The following AXDND1 variants were observed in gnomAD, a reference collection of about 807,000 sequenced individuals.
AXDND1 encodes axonemal dynein light chain domain-containing protein 1.
Under a neutral mutation model 137.5 loss-of-function variants are expected in AXDND1, and 110 were observed. That is an observed-to-expected ratio of 0.80 (90% CI 0.69 to 0.94). The LOEUF is 0.94. Among genes scored for constraint, AXDND1 ranks in the 40% least tolerant of loss-of-function variants. AXDND1 has a pLI of 0.00. For synonymous variants in AXDND1, 414 were observed against 399.7 expected (o/e 1.04, Z -0.43); for missense variants, 1,191 against 1,169.8 (o/e 1.02, Z -0.26).
chr1:179,366,653 C>T (rs556011658), intron 2 of AXDND1, 47 bp downstream of exon 2: 1 of 1,473,904 alleles, frequency 6.8e-7, no homozygotes, highest in South Asian at 1.1e-5. Flanking sequence ...GGCCGTAAGA[C>T]AGAAATCACC....
intron 21 of AXDND1, among the ~76,000 whole-genome samples, chr1:179,509,858 G>A (rs774029266): frequency 1.4e-4 from 21 of 152,096 alleles, no homozygotes; most frequent in Non-Finnish European, 2.4e-4. Context: ...CTAAAACATG[G>A]TCATTTCTCC....
chr1:179,439,795 G>A (rs972270033), intron 15 of AXDND1, among the ~76,000 whole-genome samples: 18 of 152,090 alleles, frequency 1.2e-4, no homozygotes, highest in Non-Finnish European at 1.9e-4. Flanking sequence ...GGCTCGTACC[G>A]GAGGGACCGG....
chr1:179,551,297 G>A (rs1673230846), intron 25 of AXDND1: 1 of 1,614,012 alleles, frequency 6.2e-7, no homozygotes, highest in African/African-American at 1.3e-5. Flanking sequence ...TAGGTCAAAT[G>A]GCAAAGGTAA....
intron 21 of AXDND1, among the ~76,000 whole-genome samples, chr1:179,516,359 G>A (rs1208243769): frequency 1.3e-5 from 2 of 151,816 alleles, no homozygotes; most frequent in East Asian, 3.9e-4. Context: ...TTTCCTTCTT[G>A]TATCATTTTT....
intron 4 of AXDND1, among the ~76,000 whole-genome samples, chr1:179,376,261 T>C (rs1647252730): frequency 1.3e-5 from 2 of 152,164 alleles, no homozygotes; most frequent in South Asian, 2.1e-4. Context: ...ATGTGGGGGA[T>C]TGGTTCCCAG....
At chr1:179,518,470 C>T (rs1257529283) in intron 21 of AXDND1, among the ~76,000 whole-genome samples, 1 of 150,478 alleles carries the variant, frequency 6.6e-6, no homozygotes, top group Non-Finnish European at 1.5e-5. Context: ...GTTTGTTGTA[C>T]AGATTATTTC....
chr1:179,497,888 G>A (rs994330574), intron 20 of AXDND1, among the ~76,000 whole-genome samples: 1 of 151,980 alleles, frequency 6.6e-6, no homozygotes, highest in African/African-American at 2.4e-5. Context: ...GAGTGAAGTC[G>A]AGAATACAAT....
intron 17 of AXDND1, among the ~76,000 whole-genome samples, chr1:179,472,752 C>T (rs903000594): frequency 1.3e-5 from 2 of 152,084 alleles, no homozygotes; most frequent in African/African-American, 2.4e-5. Flanking sequence ...AAATATCCTT[C>T]CTTATTTTTA....
chr1:179,517,966 C>T lies in AXDND1; in HGVS notation c.2497-7368C>T, dbSNP rs1669700429. Reference sequence around the variant, plus strand: ...TGGAGCTACAATCTAGTCCTACTTCCCATCCACCAGGATGATCTTCTCTTT... The same window carrying T: ...TGGAGCTACAATCTAGTCCTACTTCTCATCCACCAGGATGATCTTCTCTTT... On this transcript the variant is annotated intron_variant, in intron 21 of 25. Coordinates refer to ENST00000367618, the MANE Select transcript of AXDND1 (RefSeq NM_144696.6). Among the ~76,000 whole-genome samples the T allele has an allele frequency of 2.0e-5, 3 of 152,204 alleles. No homozygotes were observed. The South Asian group carries it at 6.2e-4, about 32-fold the overall frequency.
intron 4 of AXDND1, among the ~76,000 whole-genome samples, chr1:179,375,625 A>T (rs1482446703): frequency 6.7e-6 from 1 of 148,986 alleles, no homozygotes; most frequent in Non-Finnish European, 1.5e-5. Flanking sequence ...ATCTACACAC[A>T]CATATATGTA....
At chr1:179,425,794 ATG>A (rs10610386) in intron 12 of AXDND1, among the ~76,000 whole-genome samples, 83,172 of 124,316 alleles carry the variant, frequency 0.67, 23,894 homozygotes, top group East Asian at 0.86. Flanking sequence ...TGTCTCACAT[ATG>A]TGTGTGTGTG....
At chr1:179,412,425 A>G (rs1392861150) in intron 12 of AXDND1, among the ~76,000 whole-genome samples, 1 of 152,196 alleles carries the variant, frequency 6.6e-6, no homozygotes, top group East Asian at 1.9e-4. Context: ...GATATACTGC[A>G]TTAATGCATT....
At chr1:179,454,945 AC>A (rs201713224) in intron 16 of AXDND1, 9,834 of 151,994 alleles carry the variant, frequency 0.065, 451 homozygotes, top group Non-Finnish European at 0.095. Context: ...AATACAAAAA[AC>A]TTAGCCGGGC....
At chr1:179,533,537 GCTT>G (rs1273722818) in intron 23 of AXDND1, among the ~76,000 whole-genome samples, 2 of 149,884 alleles carry the variant, frequency 1.3e-5, no homozygotes, top group Non-Finnish European at 3.0e-5. Context: ...TGTTTCCCCT[GCTT>G]CTTCTTTACA....
intron 17 of AXDND1, among the ~76,000 whole-genome samples, chr1:179,479,165 A>C (rs2125524482): frequency 6.6e-6 from 1 of 151,808 alleles, no homozygotes; most frequent in East Asian, 2.0e-4. Flanking sequence ...CACCCCTTGA[A>C]TGCTGTGATT....
chr1:179,447,407 G>C (rs1042412330), intron 16 of AXDND1, among the ~76,000 whole-genome samples: 1 of 152,112 alleles, frequency 6.6e-6, no homozygotes, highest in Non-Finnish European at 1.5e-5. Flanking sequence ...TAACCATTAA[G>C]CAAATTTCCA....
At position 179,518,320 on chromosome 1, in the gene AXDND1, G is replaced by T. The variant is rs1339688424; in HGVS notation, c.2497-7014G>T. On this transcript the variant is annotated intron_variant, in intron 21 of 25. Transcript: ENST00000367618. Reference sequence around the variant, plus strand: ...ATTTTCTATTCTTTTCTATTGATCTGTCTATTAGTGGGTCATTACCACAAT... The same window carrying T: ...ATTTTCTATTCTTTTCTATTGATCTTTCTATTAGTGGGTCATTACCACAAT... 6.0e-5 allele frequency among the ~76,000 whole-genome samples: 9 copies of T among 150,780 alleles called. No individual in the cohort carries two copies. In the South Asian group the frequency reaches 1.7e-3, roughly 28 times the overall value.
chr1:179,429,451 C>G, intron 12 of AXDND1, 67 bp from the exon 13 acceptor site: 1 of 766,516 alleles, frequency 1.3e-6, no homozygotes, highest in South Asian at 3.0e-5. Context: ...TATATGAAAT[C>G]ACTGTAATAA....
chr1:179,547,325 AAAAATG>A (rs1414061997), intron 25 of AXDND1, among the ~76,000 whole-genome samples: 1 of 152,206 alleles, frequency 6.6e-6, no homozygotes, highest in African/African-American at 2.4e-5. Context: ...ACTGCCTCAG[AAAAATG>A]TAGAGCTCAT....
Sources: gnomAD v4.1 joint callset for allele counts (sites outside exome capture counted in the v4.1 genomes callset) on GRCh38, gnomAD v4.1.1 for gene constraint, MANE v1.5 for transcripts, NCBI Gene and HGNC (gene_info 2026-07-23, HGNC 2026-07-21) for gene names.